The following CCNY variants were observed in gnomAD, a reference collection of about 807,000 sequenced individuals.
CCNY encodes cyclin-Y.
Under a neutral mutation model 42.8 loss-of-function variants are expected in CCNY, and 19 were observed. The ratio of observed to expected loss-of-function variants is 0.44; its 90% confidence interval spans 0.31 to 0.65. CCNY has a LOEUF of 0.65. Ranked by LOEUF, CCNY falls within the 30% of genes least tolerant of loss-of-function variation. The probability of loss-of-function intolerance (pLI) is 0.07; values close to 1 mark genes in which losing one functional copy is unlikely to be tolerated. For missense variants in CCNY, 370 were observed against 437.3 expected, an observed-to-expected ratio of 0.85 and a Z score of 1.37; for synonymous variants, 165 against 162.7, an observed-to-expected ratio of 1.01 and a Z score of -0.11.
At chr10:35,373,498 A>G (rs1481618354) in intron 1 of CCNY, among the ~76,000 whole-genome samples, 1 of 152,134 alleles carries the variant, frequency 6.6e-6, no homozygotes. Context: ...ATGGGTCTAT[A>G]TATATAGTAA....
At chr10:35,383,546 G>T (rs1837238937) in intron 1 of CCNY, among the ~76,000 whole-genome samples, 1 of 152,170 alleles carries the variant, frequency 6.6e-6, no homozygotes, top group African/African-American at 2.4e-5. Context: ...GACCGCAGGT[G>T]ATCTGCCCAC....
At chr10:35,372,254 A>T (rs188812316) in intron 1 of CCNY, among the ~76,000 whole-genome samples, 1 of 152,276 alleles carries the variant, frequency 6.6e-6, no homozygotes, top group African/African-American at 2.4e-5. Flanking sequence ...AGCAAGGAGG[A>T]GTGGCTGCAT....
rs114614181 is a variant in CCNY at position 35,350,168 on chromosome 10, A to G, written c.154+12961A>G. Among the ~76,000 whole-genome samples the G allele has an allele frequency of 3.3e-3, 497 of 152,312 alleles. 4 individuals carry two copies. The highest frequency in any genetic ancestry group is 0.011 in the African/African-American group (469 of 41,570). ...AAAGACATTGGCCACCGTTCTGACA[A>G]TGGGTGGTGGGGTAGCTTTCTGTGT... On this transcript the variant is annotated intron_variant, in intron 1 of 9. Coordinates refer to ENST00000374704, the MANE Select transcript of CCNY (RefSeq NM_145012.6).
At chr10:35,395,497 TGAG>T (rs1837504181) in intron 1 of CCNY, among the ~76,000 whole-genome samples, 1 of 151,674 alleles carries the variant, frequency 6.6e-6, no homozygotes. Context: ...GGATTCTTGC[TGAG>T]GATAAGTCAG....
chr10:35,302,613 A>G (rs531247678), intron 3 of CCNY, among the ~76,000 whole-genome samples: 2 of 152,134 alleles, frequency 1.3e-5, no homozygotes, highest in Non-Finnish European at 2.9e-5. Flanking sequence ...GCCCGCCCCG[A>G]CATGTTAATA....
intron 1 of CCNY, among the ~76,000 whole-genome samples, chr10:35,370,613 G>A (rs1051495980): frequency 6.6e-6 from 1 of 151,960 alleles, no homozygotes; most frequent in Non-Finnish European, 1.5e-5. Context: ...TTTATTGTGT[G>A]CAGTTATTCC....
intron 3 of CCNY, among the ~76,000 whole-genome samples, chr10:35,311,231 T>A (rs925754394): frequency 1.3e-5 from 2 of 152,018 alleles, no homozygotes; most frequent in Non-Finnish European, 2.9e-5. Flanking sequence ...GGCAGGAGGA[T>A]CCTTGGAGCC....
intron 1 of CCNY, among the ~76,000 whole-genome samples, chr10:35,475,512 C>T (rs1035014169): frequency 6.6e-6 from 1 of 151,670 alleles, no homozygotes; most frequent in African/African-American, 2.4e-5. Context: ...GAATTTTCAA[C>T]CCAGAATTTC....
chr10:35,267,974 G>T (rs999073223), intron 3 of CCNY, among the ~76,000 whole-genome samples: 23 of 152,046 alleles, frequency 1.5e-4, no homozygotes, highest in African/African-American at 5.6e-4. Context: ...AGACTGGAGT[G>T]CAGTGATGCA....
At chr10:35,463,449 A>T (rs1400626304) in intron 1 of CCNY, among the ~76,000 whole-genome samples, 1 of 152,220 alleles carries the variant, frequency 6.6e-6, no homozygotes, top group East Asian at 1.9e-4. Context: ...AAGTTACTGA[A>T]TCTGACAGAA....
chr10:35,480,144 C>G (rs901574324), intron 1 of CCNY, among the ~76,000 whole-genome samples: 1 of 152,182 alleles, frequency 6.6e-6, no homozygotes, highest in African/African-American at 2.4e-5. Context: ...CTCTGCAAGT[C>G]ACTTGCTGTG....
intron 1 of CCNY, among the ~76,000 whole-genome samples, chr10:35,481,982 CAG>C (rs565516862): frequency 1.2e-3 from 190 of 152,242 alleles, no homozygotes; most frequent in African/African-American, 4.0e-3. Context: ...GTAATGTTAA[CAG>C]AAGTTATATA....
intron 1 of CCNY, among the ~76,000 whole-genome samples, chr10:35,343,047 G>C (rs890212572): frequency 6.8e-6 from 1 of 146,650 alleles, no homozygotes; most frequent in African/African-American, 2.5e-5. Flanking sequence ...CTCTCGCCCT[G>C]GCTGGAGTGC....
intron 1 of CCNY, among the ~76,000 whole-genome samples, chr10:35,443,697 T>C (rs2135300335): frequency 6.6e-6 from 1 of 152,364 alleles, no homozygotes. Flanking sequence ...GAAAGGAATA[T>C]ACTTTGTGTT....
chr10:35,550,790 T>TA (rs977377359), intron 7 of CCNY, among the ~76,000 whole-genome samples: 2 of 152,064 alleles, frequency 1.3e-5, no homozygotes, highest in African/African-American at 4.8e-5. Flanking sequence ...TCTTCTTTGT[T>TA]ACCCCTTCAT....
At chr10:35,281,715 C>T (rs1022834686) in intron 3 of CCNY, among the ~76,000 whole-genome samples, 2 of 152,002 alleles carry the variant, frequency 1.3e-5, no homozygotes, top group African/African-American at 4.8e-5. Flanking sequence ...GTGATATATC[C>T]AATGTGATAA....
chr10:35,327,097 G>A (rs1446929590), intron 3 of CCNY, among the ~76,000 whole-genome samples: 1 of 151,904 alleles, frequency 6.6e-6, no homozygotes, highest in African/African-American at 2.4e-5. Flanking sequence ...AAAATATTTC[G>A]CTAGGCTATT....
intron 1 of CCNY, among the ~76,000 whole-genome samples, chr10:35,437,463 G>C (rs567824426): frequency 1.3e-5 from 2 of 152,246 alleles, no homozygotes; most frequent in African/African-American, 2.4e-5. Flanking sequence ...GAGATCAGCT[G>C]GGTAACATGG....
chr10:35,327,366 T>C (rs930406140), intron 3 of CCNY, among the ~76,000 whole-genome samples: 4 of 152,208 alleles, frequency 2.6e-5, no homozygotes, highest in African/African-American at 9.6e-5. Flanking sequence ...TAGAATTCCA[T>C]TGTAGTCCAC....
Sources: allele counts gnomAD v4.1 joint callset (sites outside exome capture counted in the v4.1 genomes callset), GRCh38; gene constraint gnomAD v4.1.1; transcripts MANE v1.5; gene names NCBI Gene and HGNC (gene_info 2026-07-23, HGNC 2026-07-21).